The following ASPH variants were observed in gnomAD, a reference collection of about 807,000 sequenced individuals.
The protein encoded by ASPH is aspartate beta-hydroxylase, also known as aspartyl/asparaginyl beta-hydroxylase.
In ASPH, 100 loss-of-function variants were observed where a neutral mutation model predicts 118.4. That is an observed-to-expected ratio of 0.84 (90% CI 0.72 to 1.00). The LOEUF (loss-of-function observed/expected upper bound fraction) is 1.00, where lower values mean the gene tolerates loss of function less well. Ranked by LOEUF, ASPH falls within the 50% of genes least tolerant of loss-of-function variation. ASPH has a pLI of 0.00. For synonymous variants in ASPH, 315 were observed against 325.6 expected (o/e 0.97, Z 0.35); for missense variants, 920 against 919.5 (o/e 1.00, Z -0.01).
rs10096503 is a variant in ASPH at position 61,563,667 on chromosome 8, G to A, written c.1301-787C>T. 5.8e-3 allele frequency among the ~76,000 whole-genome samples: 889 copies of A among 152,254 alleles called. 14 individuals carry two copies. Among genetic ancestry groups the A allele is most frequent in the African/African-American group, 0.02 (832 of 41,538 alleles). On this transcript the variant is annotated intron_variant, in intron 17 of 24. Coordinates refer to ENST00000379454, the MANE Select transcript of ASPH (RefSeq NM_004318.4). ...GCCATAAAGCATCACCAACTCATCC[G>A]ACGGCCTATGCCCCATTACCAGCCA...
chr8:61,633,814 C>T (rs970191235), intron 12 of ASPH, 87 bp from the exon 13 acceptor site: 27 of 886,174 alleles, frequency 3.0e-5, no homozygotes, highest in Admixed American at 8.6e-5. Flanking sequence ...AATGATGATA[C>T]TTTTCATAGA....
chr8:61,545,295 A>G (rs186972819), intron 21 of ASPH, among the ~76,000 whole-genome samples: 1 of 152,308 alleles, frequency 6.6e-6, no homozygotes, highest in East Asian at 1.9e-4. Flanking sequence ...CCATCTACAA[A>G]CCAGGAAGCA....
intron 21 of ASPH, among the ~76,000 whole-genome samples, chr8:61,529,508 C>T (rs1816773830): frequency 6.6e-6 from 1 of 152,158 alleles, no homozygotes; most frequent in Non-Finnish European, 1.5e-5. Context: ...TTTGGAAAGA[C>T]AAACCAGGGG....
chr8:61,683,275 A>T (rs1443350145), intron 2 of ASPH, among the ~76,000 whole-genome samples: 1 of 151,960 alleles, frequency 6.6e-6, no homozygotes, highest in Non-Finnish European at 1.5e-5. Flanking sequence ...GAATATAGTA[A>T]AAAAAAACTG....
In ASPH at chr8:61,578,598, C is replaced by T. The variant is rs575287682; in HGVS notation, c.1063-1740G>A. ...GCTGGAGACCAAGTGGAGCCTCCTG[C>T]AGCAGCAGAAGATGGCTCGGAGCAA... On this transcript the variant is annotated intron_variant, in intron 15 of 24. Coordinates refer to ENST00000379454, the MANE Select transcript of ASPH (RefSeq NM_004318.4). The T allele has an allele frequency of 1.2e-4, 177 of 1,522,566 alleles. 1 individual carries two copies. In the African/African-American group the frequency reaches 2.1e-3, roughly 18 times the overall value. The allele number at this position is 1,522,566 out of a possible 1,614,324, so 94.3% of individuals were successfully genotyped here.
chr8:61,517,665 C>T lies in ASPH; in HGVS notation c.1993-4G>A, dbSNP rs372659729. On this transcript the variant is annotated splice_region_variant and splice_polypyrimidine_tract_variant and intron_variant, in intron 23 of 24. Coordinates refer to ENST00000379454, the MANE Select transcript of ASPH (RefSeq NM_004318.4). ...GGTGCATGATGGAATATTTGATCTG[C>T]ATAGAAAACATGACACTCCATTCAG... is the stretch of plus-strand genomic sequence containing the variant. 2.5e-6 allele frequency: 4 copies of T among 1,612,788 alleles called. No homozygotes were observed. Among genetic ancestry groups the T allele is most frequent in the Non-Finnish European group, 3.4e-6 (4 of 1,178,960 alleles).
chr8:61,539,546 C>G (rs1820928073), intron 21 of ASPH, among the ~76,000 whole-genome samples: 1 of 152,162 alleles, frequency 6.6e-6, no homozygotes, highest in African/African-American at 2.4e-5. Context: ...CTCCCCACTC[C>G]TGAGACCTTA....
intron 24 of ASPH, among the ~76,000 whole-genome samples, chr8:61,507,388 G>A (rs561316877): frequency 2.4e-4 from 36 of 152,200 alleles, no homozygotes; most frequent in Non-Finnish European, 3.7e-4. Flanking sequence ...GAGTGCTGTC[G>A]GACTTATTTG....
At chr8:61,529,811 C>T (rs1816887657) in intron 21 of ASPH, among the ~76,000 whole-genome samples, 1 of 152,128 alleles carries the variant, frequency 6.6e-6, no homozygotes, top group Non-Finnish European at 1.5e-5. Flanking sequence ...ATAGATGGTA[C>T]CTTCTAGCTG....
intron 21 of ASPH, among the ~76,000 whole-genome samples, chr8:61,539,391 A>G (rs1820854210): frequency 6.6e-6 from 1 of 152,126 alleles, no homozygotes; most frequent in African/African-American, 2.4e-5. Context: ...TTAGAGCAGG[A>G]GTGAAAGTTT....
chr8:61,659,791 A>T (rs1288658675), intron 3 of ASPH: 2 of 152,180 alleles, frequency 1.3e-5, no homozygotes, highest in Non-Finnish European at 2.9e-5. Context: ...TAAACACAAA[A>T]ACTTTCCTTT....
At chr8:61,645,694 C>T (rs1588582960) in intron 6 of ASPH, among the ~76,000 whole-genome samples, 1 of 152,064 alleles carries the variant, frequency 6.6e-6, no homozygotes, top group Non-Finnish European at 1.5e-5. Flanking sequence ...GCATTATATA[C>T]AATTCTTTTG....
intron 16 of ASPH, chr8:61,576,459 A>G: frequency 4.5e-6 from 1 of 224,656 alleles, no homozygotes; most frequent in Non-Finnish European, 8.6e-6. Context: ...AGCTCTGAGG[A>G]GCCTCAAGTG....
chr8:61,574,216 G>A (rs1834367137), intron 16 of ASPH, among the ~76,000 whole-genome samples: 1 of 152,210 alleles, frequency 6.6e-6, no homozygotes, highest in South Asian at 2.1e-4. Context: ...TAGAGAAGAT[G>A]TGGAAAAATA....
intron 15 of ASPH, among the ~76,000 whole-genome samples, chr8:61,577,399 CAAAAAAAA>C (rs775523503): frequency 1.3e-4 from 3 of 23,292 alleles, no homozygotes; most frequent in Non-Finnish European, 2.2e-4. Flanking sequence ...CCCAATCTCG[CAAAAAAAA>C]AAAAAAAAAA....
rs1830446353 is a variant in ASPH, at chr8:61,562,762, T to G, written c.1419A>C (p.Ala473=). The G allele has an allele frequency of 1.2e-6, 2 of 1,607,684 alleles. No individual in the cohort carries two copies. The highest frequency in any genetic ancestry group is 1.7e-6 in the Non-Finnish European group (2 of 1,177,964). Reference sequence around the variant, plus strand: ...TGCTTACCTCTTCATAAACTTTCTTTGCATTGTCATTATCTCCTATCAAGA... The same window carrying G: ...TGCTTACCTCTTCATAAACTTTCTTGGCATTGTCATTATCTCCTATCAAGA... ...GYLLIGDNDN[A]KKVYEEVLSV... Residue 473 remains alanine (A), a synonymous_variant, in exon 18 of 25, where the codon GCA becomes GCC. Transcript: ENST00000379454.
intron 18 of ASPH, among the ~76,000 whole-genome samples, chr8:61,558,874 G>A (rs779224339): frequency 3.9e-5 from 6 of 152,042 alleles, no homozygotes; most frequent in Non-Finnish European, 5.9e-5. Context: ...ATTATCTTCC[G>A]CCTCTGCTGC....
At chr8:61,614,610 G>A (rs193196060) in intron 14 of ASPH, among the ~76,000 whole-genome samples, 282 of 152,244 alleles carry the variant, frequency 1.9e-3, no homozygotes, top group African/African-American at 6.4e-3. Flanking sequence ...TGGGACTACA[G>A]GCGCATGCTA....
chr8:61,517,228 T>A (rs899860631), intron 24 of ASPH: 4 of 320,156 alleles, frequency 1.2e-5, no homozygotes, highest in Admixed American at 4.3e-5. Flanking sequence ...GCTCAATGCA[T>A]GTTGGCTGAC....
Sources: gnomAD v4.1 joint callset for allele counts (sites outside exome capture counted in the v4.1 genomes callset) on GRCh38, gnomAD v4.1.1 for gene constraint, MANE v1.5 for transcripts, NCBI Gene and HGNC (gene_info 2026-07-23, HGNC 2026-07-21) for gene names.